RAI14: variants seen among roughly 807,000 people sequenced by gnomAD.
The protein encoded by RAI14 is retinoic acid induced 14, also known as ankycorbin.
RAI14 carries 45 observed loss-of-function variants against 115.4 expected under a neutral mutation model. The ratio of observed to expected loss-of-function variants is 0.39; its 90% CI spans 0.31 to 0.50. The LOEUF (loss-of-function observed/expected upper bound fraction) is 0.50. RAI14 is among the 20% of genes least tolerant of loss of function. RAI14 has a pLI of 0.85. For synonymous variants in RAI14, 371 were observed against 415.4 expected, an observed-to-expected ratio of 0.89 and a Z score of 1.30; for missense variants, 939 against 1,131.2, an observed-to-expected ratio of 0.83 and a Z score of 2.44.
chr5:34,698,917 G>A (rs1739690183), intron 2 of RAI14, among the ~76,000 whole-genome samples: 1 of 152,146 alleles, frequency 6.6e-6, no homozygotes, highest in South Asian at 2.1e-4. Flanking sequence ...TGTGCGTGGG[G>A]ATGAAGAGCA....
chr5:34,812,567 A>G (rs1474519439), intron 10 of RAI14, among the ~76,000 whole-genome samples: 1 of 152,096 alleles, frequency 6.6e-6, no homozygotes, highest in Non-Finnish European at 1.5e-5. Context: ...CGGGAGGCTG[A>G]GGCAGGAGAA....
At chr5:34,718,930 G>A (rs1222694040) in intron 2 of RAI14, among the ~76,000 whole-genome samples, 1 of 152,206 alleles carries the variant, frequency 6.6e-6, no homozygotes, top group Non-Finnish European at 1.5e-5. Flanking sequence ...GACCAGTAAT[G>A]CACAAGATGA....
intron 2 of RAI14, among the ~76,000 whole-genome samples, chr5:34,749,273 C>G (rs1447072361): frequency 6.6e-6 from 1 of 152,182 alleles, no homozygotes; most frequent in Non-Finnish European, 1.5e-5. Context: ...CAAGAGCATT[C>G]TAATTGGTGA....
chr5:34,821,895 C>T, intron 14 of RAI14, 45 bp downstream of exon 14: 3 of 1,094,524 alleles, frequency 2.7e-6, no homozygotes, highest in Non-Finnish European at 4.1e-6. Context: ...TAGAGTCAAG[C>T]TCTTGGTCTT....
chr5:34,789,640 T>G (rs1752697973), intron 3 of RAI14, among the ~76,000 whole-genome samples: 1 of 152,198 alleles, frequency 6.6e-6, no homozygotes, highest in Non-Finnish European at 1.5e-5. Flanking sequence ...TGATTTAACT[T>G]CTGCTACTTC....
intron 1 of RAI14, among the ~76,000 whole-genome samples, chr5:34,668,267 G>A (rs1312753271): frequency 6.6e-6 from 1 of 152,106 alleles, no homozygotes; most frequent in Non-Finnish European, 1.5e-5. Flanking sequence ...GATGGCGCAC[G>A]CCTGTGATCC....
chr5:34,674,175 C>T (rs888491562), intron 1 of RAI14, among the ~76,000 whole-genome samples: 1 of 152,142 alleles, frequency 6.6e-6, no homozygotes, highest in Non-Finnish European at 1.5e-5. Context: ...ATAGTTGGGA[C>T]AGCAGAAATA....
chr5:34,668,393 CAAA>C (rs34952152), intron 1 of RAI14, among the ~76,000 whole-genome samples: 10 of 121,266 alleles, frequency 8.2e-5, no homozygotes, highest in Non-Finnish European at 1.2e-4. Context: ...GACTCTGTCT[CAAA>C]AAAAAAAAAA....
intron 1 of RAI14, among the ~76,000 whole-genome samples, chr5:34,658,359 A>T (rs1241989884): frequency 6.6e-6 from 1 of 152,192 alleles, no homozygotes; most frequent in Non-Finnish European, 1.5e-5. Context: ...ACTATCACCT[A>T]GGCTTTAAAA....
rs1030284225 is a variant in RAI14 at position 34,777,379 on chromosome 5, T to C, written c.168-18560T>C. Among the ~76,000 whole-genome samples, 5 of 152,124 alleles carry C rather than the reference T, an allele frequency of 3.3e-5. No individual in the cohort carries two copies. In the South Asian group the frequency reaches 1.0e-3, roughly 32 times the overall value. On this transcript the variant is annotated intron_variant, in intron 3 of 17. Coordinates refer to ENST00000265109, the MANE Select transcript of RAI14 (RefSeq NM_015577.3). ...ACCCTGTCATTTGCAGCAACATAGA[T>C]GGAACTGTGGGTTATTATGTTAAGT...
In RAI14 at chr5:34,831,881, C is replaced by G. The variant is rs1437026345; in HGVS notation, c.*1116C>G. On this transcript the variant is annotated 3_prime_UTR_variant, in exon 18 of 18. Transcript: ENST00000265109. ...TGAATCTAGCAAATCCTCCTTTTAC[C>G]CGTTGAATGTTTTGAATGCCCTGAC... The G allele has an allele frequency of 6.6e-6, 1 of 152,080 alleles. No individual in the cohort carries two copies. The highest frequency in any genetic ancestry group is 1.5e-5 in the Non-Finnish European group (1 of 68,024). 9.4% of individuals were successfully genotyped at this position (152,080 alleles called of 1,614,324 possible). A position where few individuals can be genotyped will look rare whatever the true frequency, so the allele number is the denominator to read the frequency against.
intron 17 of RAI14, 104 bp downstream of exon 17, chr5:34,829,901 G>C (rs1757852774): frequency 2.0e-6 from 2 of 984,978 alleles, no homozygotes; most frequent in Admixed American, 2.4e-5. Context: ...AAGAATTAGA[G>C]GAGAATCCTT....
At chr5:34,659,308 C>T (rs1363319571) in intron 1 of RAI14, among the ~76,000 whole-genome samples, 1 of 152,196 alleles carries the variant, frequency 6.6e-6, no homozygotes, top group Non-Finnish European at 1.5e-5. Context: ...CGCTCTGTCA[C>T]CCAGGCTGGA....
intron 13 of RAI14, among the ~76,000 whole-genome samples, chr5:34,819,451 G>T (rs141231996): frequency 5.3e-5 from 8 of 152,260 alleles, no homozygotes; most frequent in African/African-American, 1.7e-4. Flanking sequence ...CCACCTCCAT[G>T]ACTGTCCCCA....
intron 1 of RAI14, among the ~76,000 whole-genome samples, chr5:34,664,483 C>T (rs1196467365): frequency 6.6e-6 from 1 of 151,106 alleles, no homozygotes; most frequent in African/African-American, 2.4e-5. Context: ...ATCAAGGAAC[C>T]AGTTTCCCTT....
Position 34,752,703 on chromosome 5 carries a change from ATGTGTGTGTGTGTGTGTGTG to A in RAI14, c.37-4737_37-4718del, listed in dbSNP as rs71600953. ...AGAAATATCTATATTTCTTACATAT[ATGTGTGTGTGTGTGTGTGTG>A]TGTGTGTGTGTGTGTGTGTGTGTGT... is the stretch of plus-strand genomic sequence containing the variant. On this transcript the variant is annotated intron_variant, in intron 2 of 17. Transcript: ENST00000265109. 4.1e-3 allele frequency among the ~76,000 whole-genome samples: 340 copies of A among 83,032 alleles called. 8 individuals are homozygous for A. Among genetic ancestry groups the A allele is most frequent in the Admixed American group, 4.9e-3 (42 of 8,498 alleles). 54.5% of individuals were successfully genotyped at this position (83,032 alleles called of 152,430 possible).
chr5:34,747,265 A>C (rs1323785341), intron 2 of RAI14, among the ~76,000 whole-genome samples: 3 of 152,204 alleles, frequency 2.0e-5, no homozygotes, highest in Admixed American at 1.3e-4. Flanking sequence ...TAATAATAGT[A>C]CCTACCTCAT....
At chr5:34,741,745 A>G (rs554140125) in intron 2 of RAI14, among the ~76,000 whole-genome samples, 4 of 152,148 alleles carry the variant, frequency 2.6e-5, no homozygotes, top group Non-Finnish European at 5.9e-5. Context: ...ACAGCCACGG[A>G]TGGTTTTGAA....
At chr5:34,699,082 G>A (rs1264280374) in intron 2 of RAI14, among the ~76,000 whole-genome samples, 3 of 152,130 alleles carry the variant, frequency 2.0e-5, no homozygotes, top group Non-Finnish European at 4.4e-5. Context: ...CAACTTGGTG[G>A]GAAGACACAC....
Sources: allele counts gnomAD v4.1 joint callset (sites outside exome capture counted in the v4.1 genomes callset), GRCh38; gene constraint gnomAD v4.1.1; transcripts MANE v1.5; gene names NCBI Gene and HGNC (gene_info 2026-07-23, HGNC 2026-07-21).